DSCAM: variants seen among roughly 807,000 people sequenced by gnomAD.
The protein encoded by DSCAM is DS cell adhesion molecule, also known as cell adhesion molecule DSCAM.
In DSCAM, 47 loss-of-function variants were observed where a neutral mutation model predicts 217.7. The observed-to-expected ratio is 0.22, with a 90% CI of 0.17 to 0.28. The LOEUF (loss-of-function observed/expected upper bound fraction) is 0.28, where lower values mean the gene tolerates loss of function less well. Among genes scored for constraint, DSCAM ranks in the 10% least tolerant of loss-of-function variants. The pLI, the probability that DSCAM is intolerant of heterozygous loss-of-function variation, is 1.00. For synonymous variants in DSCAM, 1,056 were observed against 1,015.3 expected (o/e 1.04, Z -0.76); for missense variants, 2,080 against 2,618.3 (o/e 0.79, Z 4.49).
intron 3 of DSCAM, among the ~76,000 whole-genome samples, chr21:40,457,045 T>A (rs1013516394): frequency 1.3e-5 from 2 of 152,188 alleles, no homozygotes; most frequent in Admixed American, 6.5e-5. Flanking sequence ...GATAGAGGGA[T>A]GCCTATACAG....
chr21:40,304,660 G>A (rs143759941), intron 9 of DSCAM, among the ~76,000 whole-genome samples: 31 of 152,284 alleles, frequency 2.0e-4, no homozygotes, highest in African/African-American at 6.7e-4. Context: ...CTGAAACACC[G>A]GAGACTGTTG....
intron 3 of DSCAM, among the ~76,000 whole-genome samples, chr21:40,676,544 CTTG>C (rs1286507297): frequency 6.6e-6 from 1 of 151,988 alleles, no homozygotes; most frequent in Non-Finnish European, 1.5e-5. Context: ...CTTTTGTTTG[CTTG>C]TTTTTTTGTT....
intron 1 of DSCAM, among the ~76,000 whole-genome samples, chr21:40,834,918 C>G (rs1232026032): frequency 6.6e-6 from 1 of 152,196 alleles, no homozygotes; most frequent in African/African-American, 2.4e-5. Flanking sequence ...CCGACTGCTC[C>G]TCCATTTCTT....
chr21:40,808,943 C>A (rs530213677), intron 1 of DSCAM, among the ~76,000 whole-genome samples: 32 of 152,290 alleles, frequency 2.1e-4, no homozygotes, highest in Non-Finnish European at 3.5e-4. Flanking sequence ...CCTTAACCTG[C>A]GCCTAGCATC....
At chr21:40,388,011 A>C (rs2075102115) in intron 3 of DSCAM, among the ~76,000 whole-genome samples, 1 of 152,182 alleles carries the variant, frequency 6.6e-6, no homozygotes, top group Admixed American at 6.5e-5. Flanking sequence ...AGAAAGATAC[A>C]TATGAAAGAA....
chr21:40,740,603 T>C (rs1341874266), intron 1 of DSCAM, among the ~76,000 whole-genome samples: 1 of 152,240 alleles, frequency 6.6e-6, no homozygotes, highest in Non-Finnish European at 1.5e-5. Context: ...AATGTACAAT[T>C]TCATTTTGGA....
chr21:40,092,965 T>C lies in DSCAM; in HGVS notation c.3850+756A>G, dbSNP rs1003260417. ...AATTCTTGGAGGTAAAATTGGAATC[T>C]TGGAATGTTCATTCTTGTCTTTCAG... On this transcript the variant is annotated intron_variant, in intron 21 of 32. Transcript: ENST00000400454. Among the ~76,000 whole-genome samples the C allele has an allele frequency of 3.9e-5, 6 of 152,344 alleles. No homozygotes were observed. The East Asian group carries it at 1.2e-3, about 29-fold the overall frequency.
chr21:40,603,507 C>T (rs1437885790), intron 3 of DSCAM, among the ~76,000 whole-genome samples: 2 of 152,130 alleles, frequency 1.3e-5, no homozygotes, highest in Non-Finnish European at 2.9e-5. Context: ...TACGAAGCTC[C>T]TCCTTTTGTT....
At chr21:40,221,022 C>T (rs1346485384) in intron 11 of DSCAM, among the ~76,000 whole-genome samples, 1 of 152,170 alleles carries the variant, frequency 6.6e-6, no homozygotes, top group African/African-American at 2.4e-5. Context: ...GAAACTGAGG[C>T]TCAGAGGTGC....
At chr21:40,386,403 GC>G (rs1256027551) in intron 3 of DSCAM, among the ~76,000 whole-genome samples, 4 of 152,180 alleles carry the variant, frequency 2.6e-5, no homozygotes, top group Non-Finnish European at 5.9e-5. Flanking sequence ...GTGAATGAAC[GC>G]CCTTTGCTTC....
intron 10 of DSCAM, among the ~76,000 whole-genome samples, chr21:40,277,735 G>T (rs2073706700): frequency 6.7e-6 from 1 of 150,096 alleles, no homozygotes; most frequent in Admixed American, 6.7e-5. Context: ...CTGGGTTCAA[G>T]TGATTCTCCT....
At chr21:40,821,087 TATAGAG>T (rs2091921759) in intron 1 of DSCAM, among the ~76,000 whole-genome samples, 1 of 147,316 alleles carries the variant, frequency 6.8e-6, no homozygotes, top group African/African-American at 2.5e-5. Context: ...TCTTCACATA[TATAGAG>T]AGATATATAT....
chr21:40,277,868 CAAA>C (rs1221895007), intron 10 of DSCAM, among the ~76,000 whole-genome samples: 2 of 55,824 alleles, frequency 3.6e-5, no homozygotes, highest in Non-Finnish European at 3.7e-5. Context: ...GACTTCGTCT[CAAA>C]AAAAAAAAAA....
intron 1 of DSCAM, among the ~76,000 whole-genome samples, chr21:40,832,965 G>A (rs2092024056): frequency 6.6e-6 from 1 of 152,176 alleles, no homozygotes; most frequent in Non-Finnish European, 1.5e-5. Context: ...TACACGGCAT[G>A]CAAGAGCAAA....
At chr21:40,289,906 C>T (rs1003633632) in intron 10 of DSCAM, among the ~76,000 whole-genome samples, 48 of 152,188 alleles carry the variant, frequency 3.2e-4, no homozygotes, top group African/African-American at 1.2e-3. Flanking sequence ...AGTCACTTGT[C>T]TATAAAGCCA....
chr21:40,507,820 C>A (rs1277323494), intron 3 of DSCAM, among the ~76,000 whole-genome samples: 2 of 152,074 alleles, frequency 1.3e-5, no homozygotes, highest in African/African-American at 2.4e-5. Flanking sequence ...AAATAACTTA[C>A]ATTCACAGGA....
chr21:40,417,222 A>G (rs1569112913), intron 3 of DSCAM, among the ~76,000 whole-genome samples: 1 of 152,136 alleles, frequency 6.6e-6, no homozygotes, highest in Non-Finnish European at 1.5e-5. Context: ...ATAATATTTC[A>G]TACAGATTTA....
intron 3 of DSCAM, among the ~76,000 whole-genome samples, chr21:40,423,566 C>T (rs1409646687): frequency 6.6e-6 from 1 of 152,198 alleles, no homozygotes; most frequent in Non-Finnish European, 1.5e-5. Context: ...TTCAAGTTGC[C>T]TGCTTCAGTC....
chr21:40,673,746 T>G (rs930890906), intron 3 of DSCAM, among the ~76,000 whole-genome samples: 17 of 152,130 alleles, frequency 1.1e-4, no homozygotes, highest in Admixed American at 7.9e-4. Context: ...ATGCAGCTCC[T>G]CCCTCACTCT....
Sources: allele counts gnomAD v4.1 joint callset (sites outside exome capture counted in the v4.1 genomes callset), GRCh38; gene constraint gnomAD v4.1.1; transcripts MANE v1.5; gene names NCBI Gene and HGNC (gene_info 2026-07-23, HGNC 2026-07-21).